The following GAK variants were observed in gnomAD, a reference collection of about 807,000 sequenced individuals.
GAK encodes cyclin G associated kinase.
A neutral mutation model predicts 143.9 loss-of-function variants in GAK; 79 were observed. That is an observed-to-expected ratio of 0.55 (90% CI 0.46 to 0.66). GAK has a LOEUF of 0.66. Among genes scored for constraint, GAK ranks in the 30% least tolerant of loss-of-function variants. The probability of loss-of-function intolerance (pLI) is 0.00; values close to 1 mark genes in which losing one functional copy is unlikely to be tolerated. For missense variants in GAK, 1,693 were observed against 1,779.7 expected (o/e 0.95, Z 0.88); for synonymous variants, 881 against 765.5 (o/e 1.15, Z -2.49).
At chr4:854,651 C>T (rs1217400089) in intron 24 of GAK, among the ~76,000 whole-genome samples, 3 of 152,214 alleles carry the variant, frequency 2.0e-5, no homozygotes, top group Admixed American at 1.3e-4. Context: ...TCTCCACAGA[C>T]GCGTCTGTCT....
At chr4:877,042 A>C in intron 17 of GAK, 48 bp downstream of exon 17, 1 of 1,305,890 alleles carries the variant, frequency 7.7e-7, no homozygotes, top group Non-Finnish European at 1.1e-6. Context: ...GCCCCCCATG[A>C]GCCTAGGCGT....
rs774194119 is a variant in GAK at position 850,896 on chromosome 4, A to G, written c.3657+40T>C. On this transcript the variant is annotated intron_variant, in intron 26 of 27. Transcript: ENST00000314167. ...CAGATGCTCCAGGGGCCATGGGTTG[A>G]GGCCTCTGGGCTCCCAGGAAGAGCT... 42 of 1,597,264 alleles carry G rather than the reference A, an allele frequency of 2.6e-5. No individual in the cohort carries two copies. The Admixed American group carries it at 3.1e-4, about 12-fold the overall frequency.
chr4:871,125 G>A (rs1373361841), intron 18 of GAK, among the ~76,000 whole-genome samples: 1 of 152,250 alleles, frequency 6.6e-6, no homozygotes, highest in Admixed American at 6.5e-5. Context: ...CCCCGGTCAC[G>A]GCCCCAGAAG....
intron 5 of GAK, among the ~76,000 whole-genome samples, chr4:900,428 G>C (rs1316790926): frequency 6.6e-6 from 1 of 152,256 alleles, no homozygotes; most frequent in Non-Finnish European, 1.5e-5. Flanking sequence ...CCAGTGCTGT[G>C]AAGTGCAGGC....
At position 868,667 on chromosome 4, in the gene GAK, C is replaced by A. The variant is rs770767013; in HGVS notation, c.2267G>T (p.Arg756Leu). 28 of 1,552,996 alleles carry A rather than the reference C, an allele frequency of 1.8e-5. No individual in the cohort carries two copies. The highest frequency in any genetic ancestry group is 5.2e-6 in the Non-Finnish European group (6 of 1,148,680). The change falls in exon 20 of 28, where the codon CGG becomes CTG. Residue 756 changes from arginine to leucine, a missense_variant. By Grantham distance (102) the Arg-to-Leu change is moderately radical (BLOSUM62 -2). Transcript: ENST00000314167. ...LSKFGKPELP[R>L]QPGSTAQYDA... ...ATACTGAGCCGTGGAGCCAGGCTGCCGGGGAAGCTCCGGCTTCCCTGCAGG... is the reference window on the plus strand; with the variant it reads ...ATACTGAGCCGTGGAGCCAGGCTGCAGGGGAAGCTCCGGCTTCCCTGCAGG...
chr4:876,998 C>A (rs547985965), intron 17 of GAK, 92 bp downstream of exon 17: 2 of 866,936 alleles, frequency 2.3e-6, no homozygotes. Flanking sequence ...GCACCCTGGA[C>A]CCTCGGTGAG....
intron 24 of GAK, among the ~76,000 whole-genome samples, chr4:856,389 ACCTGCT>A: frequency 1.5e-5 from 1 of 65,364 alleles, no homozygotes; most frequent in South Asian, 5.0e-4. Context: ...AGCTGCTCAC[ACCTGCT>A]CACCACCACA....
chr4:883,342 G>A lies in GAK; in HGVS notation c.1377C>T (p.Thr459=). ...HYAVYNLSPR[T]YRPSRFHNRV... ...GGTTGTGGAACCTGGAGGGCCGGTA[G>A]GTCCTCGGGGACAGGTTGTAGACGG... The change falls in exon 13 of 28, where the codon ACC becomes ACT. Residue 459 remains threonine (T), a synonymous_variant. Coordinates refer to ENST00000314167, the MANE Select transcript of GAK (RefSeq NM_005255.4). 3 of 1,613,570 alleles carry A rather than the reference G, an allele frequency of 1.9e-6. No homozygotes were observed. Among genetic ancestry groups the A allele is most frequent in the Non-Finnish European group, 2.5e-6 (3 of 1,180,010 alleles).
chr4:905,787 G>A (rs572770853), intron 4 of GAK, among the ~76,000 whole-genome samples: 2 of 152,354 alleles, frequency 1.3e-5, no homozygotes, highest in African/African-American at 4.8e-5. Context: ...AGGCCACGCT[G>A]CCTTTTCCAG....
At chr4:851,528 A>C (rs1034403935) in intron 25 of GAK, 19 of 598,398 alleles carry the variant, frequency 3.2e-5, no homozygotes, top group Non-Finnish European at 5.3e-5. Context: ...CCATTTGTTA[A>C]AAACAGGTCA....
intron 18 of GAK, among the ~76,000 whole-genome samples, chr4:871,945 G>A (rs1254018781): frequency 1.3e-5 from 2 of 152,200 alleles, no homozygotes; most frequent in African/African-American, 4.8e-5. Flanking sequence ...ATCTCTACAT[G>A]TTGAATGTTA....
chr4:922,778 C>T (rs1724112759), intron 1 of GAK, among the ~76,000 whole-genome samples: 1 of 152,214 alleles, frequency 6.6e-6, no homozygotes, highest in Non-Finnish European at 1.5e-5. Flanking sequence ...AATTACCACA[C>T]ATGAACCAGC....
chr4:892,931 G>C (rs746430803), intron 9 of GAK, among the ~76,000 whole-genome samples: 1 of 152,146 alleles, frequency 6.6e-6, no homozygotes, highest in Non-Finnish European at 1.5e-5. Context: ...CCTGGGCTGC[G>C]GTGGTGACCC....
chr4:856,356 T>TA (rs1465396679), intron 24 of GAK, among the ~76,000 whole-genome samples: 4 of 104,604 alleles, frequency 3.8e-5, no homozygotes, highest in African/African-American at 1.5e-4. Flanking sequence ...TGCTCACACC[T>TA]GCTCACCACA....
chr4:919,565 A>G (rs1723600526), intron 1 of GAK, among the ~76,000 whole-genome samples: 1 of 152,156 alleles, frequency 6.6e-6, no homozygotes, highest in South Asian at 2.1e-4. Flanking sequence ...CCCACACACC[A>G]CAGGCCTGGA....
intron 4 of GAK, among the ~76,000 whole-genome samples, chr4:910,763 G>T (rs986209492): frequency 1.1e-5 from 1 of 91,774 alleles, no homozygotes; most frequent in South Asian, 5.2e-4. Context: ...GGGGACAGAC[G>T]CAGGGGTCAC....
At chr4:892,303 G>A (rs1560376077) in intron 9 of GAK, among the ~76,000 whole-genome samples, 1 of 152,154 alleles carries the variant, frequency 6.6e-6, no homozygotes, top group Non-Finnish European at 1.5e-5. Context: ...AAGAGTCCTG[G>A]GTCCTTGGAC....
At chr4:868,806 G>C (rs2152753708) in intron 19 of GAK, 121 bp from the exon 20 acceptor site, 2 of 992,900 alleles carry the variant, frequency 2.0e-6, no homozygotes, top group East Asian at 2.6e-5. Context: ...CAGGCCATCG[G>C]TAAAGCAGAC....
chr4:888,741 T>C, intron 11 of GAK, 106 bp downstream of exon 11: 4 of 1,396,712 alleles, frequency 2.9e-6, no homozygotes, highest in African/African-American at 1.4e-5. Context: ...GGGGCCCCTG[T>C]GGGGCCTGAT....
Sources: gnomAD v4.1 joint callset for allele counts (sites outside exome capture counted in the v4.1 genomes callset) on GRCh38, gnomAD v4.1.1 for gene constraint, MANE v1.5 for transcripts, NCBI Gene and HGNC (gene_info 2026-07-23, HGNC 2026-07-21) for gene names.